The following ANKS3 variants were observed in gnomAD, a reference collection of about 807,000 sequenced individuals.
The protein encoded by ANKS3 is ankyrin repeat and sterile alpha motif domain containing 3, also known as ankyrin repeat and SAM domain-containing protein 3.
A neutral mutation model predicts 80.7 loss-of-function variants in ANKS3; 62 were observed. The observed-to-expected ratio is 0.77, with a 90% CI of 0.63 to 0.95. ANKS3 has a LOEUF of 0.95. ANKS3 is among the 40% of genes least tolerant of loss of function. The probability of loss-of-function intolerance (pLI) is 0.00; values close to 1 mark genes in which losing one functional copy is unlikely to be tolerated. For synonymous variants in ANKS3, 489 were observed against 355.3 expected (o/e 1.38, Z -4.23); for missense variants, 1,150 against 883.6 (o/e 1.30, Z -3.82).
At chr16:4,709,958 C>G (rs1333606712) in intron 7 of ANKS3, among the ~76,000 whole-genome samples, 2 of 152,122 alleles carry the variant, frequency 1.3e-5, no homozygotes, top group Non-Finnish European at 2.9e-5. Context: ...CTGCAGTGAG[C>G]CAAGATTATG....
chr16:4,726,396 A>T lies in ANKS3; in HGVS notation c.491+263T>A, dbSNP rs115349090. Among the ~76,000 whole-genome samples the T allele has an allele frequency of 4.7e-3, 718 of 152,364 alleles. 6 individuals are homozygous for T. The highest frequency in any genetic ancestry group is 0.016 in the African/African-American group (683 of 41,592). ...CAGTATGTTAGGCCCCTGGCATACA[A>T]TAAAACATGTAATTCTTACAACTGT... is the stretch of plus-strand genomic sequence containing the variant. On this transcript the variant is annotated intron_variant, in intron 5 of 17. Transcript: ENST00000304283.
rs577869277 is a variant in ANKS3 at position 4,721,128 on chromosome 16, A to AC, written c.573+3621dup. Among the ~76,000 whole-genome samples the AC allele has an allele frequency of 2.6e-3, 386 of 148,988 alleles. 5 individuals carry two copies. The highest frequency in any genetic ancestry group is 8.9e-3 in the African/African-American group (363 of 40,562). ...AGACCATCCTGGCTAACGCGGTGAA[A>AC]CCCCGTCTCTACTAAAAATATGAAA... On this transcript the variant is annotated intron_variant, in intron 6 of 17. Coordinates refer to ENST00000304283, the MANE Select transcript of ANKS3 (RefSeq NM_133450.4).
intron 14 of ANKS3, 160 bp from the exon 15 acceptor site, chr16:4,698,222 G>T: frequency 8.9e-7 from 1 of 1,118,480 alleles, no homozygotes; most frequent in Non-Finnish European, 1.2e-6. Flanking sequence ...AAGAGCAGGA[G>T]GGCGACCGGT....
At chr16:4,730,487 G>C (rs2142170937) in intron 2 of ANKS3, among the ~76,000 whole-genome samples, 1 of 152,264 alleles carries the variant, frequency 6.6e-6, no homozygotes, top group Middle Eastern at 3.4e-3. Context: ...CTCTTGGATG[G>C]GCAGTGAAGA....
Position 4,701,008 on chromosome 16 carries a change from T to G in ANKS3, c.1246A>C (p.Ser416Arg). The G allele has an allele frequency of 6.2e-7, 1 of 1,614,086 alleles. No homozygotes were observed. Among genetic ancestry groups the G allele is most frequent in the Non-Finnish European group, 8.5e-7 (1 of 1,180,002 alleles). The change falls in exon 11 of 18, where the codon AGC (serine) becomes CGC (arginine). Residue 416 changes from serine (S) to arginine (R), a missense_variant. Coordinates refer to ENST00000304283, the MANE Select transcript of ANKS3 (RefSeq NM_133450.4). ...TAGGGGGCCCTCTGAGTCTGGGGGC[T>G]GGACTCAGCGAGAAAGCCTTCCCTG... ...TDREGFLAES[S>R]PQTQRAPYSG... is the part of the protein sequence containing the mutation.
At chr16:4,697,840 TG>T in intron 15 of ANKS3, 136 bp downstream of exon 15, 3 of 847,726 alleles carry the variant, frequency 3.5e-6, no homozygotes, top group Non-Finnish European at 5.3e-6. Context: ...CCTTGGACTC[TG>T]GGATCATGTG....
rs991156329 is a variant in ANKS3 at position 4,734,133 on chromosome 16, G to T, written c.-266C>A. 2.9e-6 allele frequency: 2 copies of T among 685,984 alleles called. No homozygotes were observed. Among genetic ancestry groups the T allele is most frequent in the Non-Finnish European group, 3.6e-6 (2 of 556,438 alleles). 42.5% of individuals were successfully genotyped at this position (685,984 alleles called of 1,614,324 possible). On this transcript the variant is annotated 5_prime_UTR_variant, in exon 1 of 18. Transcript: ENST00000304283. ...GGCTGCAGGTGCCGGCAAGTGCTGG[G>T]GCCGGGCCGCCGCGGAACCCACCTG... is the stretch of plus-strand genomic sequence containing the variant.
chr16:4,699,017 C>T (rs370773868), intron 12 of ANKS3, 35 bp downstream of exon 12: 84 of 1,614,014 alleles, frequency 5.2e-5, no homozygotes, highest in African/African-American at 3.3e-4. Flanking sequence ...GCCCCAACCC[C>T]GGGCTGAGGG....
intron 10 of ANKS3, 30 bp from the exon 11 acceptor site, chr16:4,701,164 T>C (rs1215049499): frequency 1.9e-6 from 3 of 1,612,526 alleles, no homozygotes; most frequent in Admixed American, 1.7e-5. Context: ...TCTGAAAGAG[T>C]GCGCGGGCTA....
At chr16:4,697,229 G>C in intron 16 of ANKS3, 104 bp downstream of exon 16, 1 of 1,537,306 alleles carries the variant, frequency 6.5e-7, no homozygotes, top group Non-Finnish European at 8.9e-7. Context: ...CCCGAGGTCA[G>C]CCTTGGGGTA....
chr16:4,721,395 G>C (rs950029016), intron 6 of ANKS3, among the ~76,000 whole-genome samples: 2 of 150,760 alleles, frequency 1.3e-5, no homozygotes, highest in African/African-American at 2.4e-5. Flanking sequence ...AACTGCCTGA[G>C]CTCAGGAGTT....
chr16:4,731,586 A>G lies in ANKS3; in HGVS notation c.-70-7T>C. The G allele has an allele frequency of 1.1e-6, 1 of 918,942 alleles. No individual in the cohort carries two copies. Among genetic ancestry groups the G allele is most frequent in the Non-Finnish European group, 1.3e-6 (1 of 769,088 alleles). 56.9% of individuals were successfully genotyped at this position (918,942 alleles called of 1,614,324 possible). A position where few individuals can be genotyped will look rare whatever the true frequency, so the allele number is the denominator to read the frequency against. On this transcript the variant is annotated splice_region_variant and splice_polypyrimidine_tract_variant and intron_variant, in intron 1 of 17. Coordinates refer to ENST00000304283, the MANE Select transcript of ANKS3 (RefSeq NM_133450.4). ...GTGAGCCACTGCACCTGGCCTGTAA[A>G]TTTTAAATATAAATTAATTTTTCTG... is the stretch of plus-strand genomic sequence containing the variant.
Position 4,722,730 on chromosome 16 carries a change from C to T in ANKS3, c.573+2020G>A, listed in dbSNP as rs528039871. ...TTCAGGAGTTCAAGAGCAGCCTGGGCAACATGGTGAAACCTCATCTCTACT... is the reference window on the plus strand; with the variant it reads ...TTCAGGAGTTCAAGAGCAGCCTGGGTAACATGGTGAAACCTCATCTCTACT... On this transcript the variant is annotated intron_variant, in intron 6 of 17. Transcript: ENST00000304283. Among the ~76,000 whole-genome samples the T allele has an allele frequency of 1.7e-3, 259 of 151,578 alleles. No individual in the cohort carries two copies. In the Middle Eastern group the frequency reaches 0.017, roughly 10 times the overall value.
chr16:4,730,244 AGCAG>A, intron 2 of ANKS3, 93 bp from the exon 3 acceptor site: 1 of 1,246,802 alleles, frequency 8.0e-7, no homozygotes, highest in East Asian at 2.9e-5. Context: ...CCACTGCACT[AGCAG>A]ACTGATAACC....
chr16:4,729,830 A>C, intron 3 of ANKS3, 150 bp downstream of exon 3: 1 of 764,970 alleles, frequency 1.3e-6, no homozygotes, highest in Non-Finnish European at 1.9e-6. Context: ...GCTCAGCATC[A>C]ATACTTACTG....
At chr16:4,728,172 A>G (rs1022794052) in intron 3 of ANKS3, 11 of 151,986 alleles carry the variant, frequency 7.2e-5, no homozygotes, top group African/African-American at 2.4e-4. Flanking sequence ...CAGCCTCCCA[A>G]GTAGCTGGGA....
Position 4,720,418 on chromosome 16 carries a change from C to T in ANKS3, c.573+4332G>A, listed in dbSNP as rs1448538974. 2.7e-5 allele frequency among the ~76,000 whole-genome samples: 4 copies of T among 149,368 alleles called. 1 individual carries two copies. The highest frequency in any genetic ancestry group is 2.1e-4 in the South Asian group (1 of 4,668). On this transcript the variant is annotated intron_variant, in intron 6 of 17. Transcript: ENST00000304283. ...CAGAGGTTGCAGTGAGCCGAGATCGCGCCACTGCACTCCAGCCTGGGTGAC... is the reference window on the plus strand; with the variant it reads ...CAGAGGTTGCAGTGAGCCGAGATCGTGCCACTGCACTCCAGCCTGGGTGAC...
intron 4 of ANKS3, 79 bp downstream of exon 4, chr16:4,726,900 G>C (rs773437214): frequency 1.1e-4 from 183 of 1,604,502 alleles, no homozygotes; most frequent in Non-Finnish European, 1.4e-4. Flanking sequence ...GAACACCGTG[G>C]CCTGCAGTGG....
intron 10 of ANKS3, 136 bp downstream of exon 10, chr16:4,701,298 A>T (rs1254836943): frequency 7.4e-7 from 1 of 1,353,040 alleles, no homozygotes; most frequent in Non-Finnish European, 1.0e-6. Flanking sequence ...CAGACCCTGG[A>T]CACAGCACGT....
Sources: allele counts gnomAD v4.1 joint callset (sites outside exome capture counted in the v4.1 genomes callset), GRCh38; gene constraint gnomAD v4.1.1; transcripts MANE v1.5; gene names NCBI Gene and HGNC (gene_info 2026-07-23, HGNC 2026-07-21).